MALRD1: variants seen among roughly 807,000 people sequenced by gnomAD.
MALRD1 encodes the protein MAM and LDL-receptor class A domain-containing protein 1.
MALRD1 carries 247 observed loss-of-function variants against 242.1 expected under a neutral mutation model. The ratio of observed to expected loss-of-function variants is 1.02; its 90% CI spans 0.92 to 1.13. MALRD1 has a LOEUF of 1.13. Ranked by LOEUF, MALRD1 falls within the 50% of genes most tolerant of loss-of-function variation. The pLI, the probability that MALRD1 is intolerant of heterozygous loss-of-function variation, is 0.00. For missense variants in MALRD1, 2,989 were observed against 2,533.1 expected (o/e 1.18, Z -3.86); for synonymous variants, 995 against 866.6 (o/e 1.15, Z -2.60).
chr10:19,497,910 ATAATT>A (rs947900478), intron 30 of MALRD1, among the ~76,000 whole-genome samples: 4 of 152,192 alleles, frequency 2.6e-5, no homozygotes, highest in Admixed American at 6.5e-5. Context: ...CTCACTGTGA[ATAATT>A]TAATTTTTAA....
At chr10:19,732,220 TAATATA>T (rs1473195898) in intron 39 of MALRD1, among the ~76,000 whole-genome samples, 3 of 152,212 alleles carry the variant, frequency 2.0e-5, no homozygotes, top group Non-Finnish European at 4.4e-5. Flanking sequence ...TAGGATGGTG[TAATATA>T]AATATATTTT....
Position 19,389,375 on chromosome 10 carries a change from C to T in MALRD1, c.4688-77C>T, listed in dbSNP as rs777213716. 2.1e-6 allele frequency: 3 copies of T among 1,424,122 alleles called. 1 individual carries two copies. The South Asian group carries it at 3.7e-5, about 18-fold the overall frequency. The allele number at this position is 1,424,122 out of a possible 1,614,324, so 88.2% of individuals were successfully genotyped here. On this transcript the variant is annotated intron_variant, in intron 27 of 39. Transcript: ENST00000454679. ...GATCATACGAATTGTAATTAAAGAC[C>T]CTAACTATGATGGAAATGCAAAAAT...
At chr10:19,601,820 A>G (rs879542303) in intron 34 of MALRD1, among the ~76,000 whole-genome samples, 32 of 152,122 alleles carry the variant, frequency 2.1e-4, no homozygotes, top group Non-Finnish European at 3.7e-4. Flanking sequence ...TATGTTTTCA[A>G]GAAGATGAGT....
intron 39 of MALRD1, among the ~76,000 whole-genome samples, chr10:19,733,328 G>A (rs934458032): frequency 6.6e-6 from 1 of 152,074 alleles, no homozygotes. Flanking sequence ...CCTCCAGAAG[G>A]TTTTCAAACA....
intron 19 of MALRD1, among the ~76,000 whole-genome samples, chr10:19,278,915 G>T (rs1840670029): frequency 6.6e-6 from 1 of 152,172 alleles, no homozygotes; most frequent in South Asian, 2.1e-4. Context: ...GCAATGGGAA[G>T]GGGAGAAGGG....
chr10:19,440,906 G>A (rs1307594802), intron 28 of MALRD1, among the ~76,000 whole-genome samples: 1 of 152,036 alleles, frequency 6.6e-6, no homozygotes, highest in Non-Finnish European at 1.5e-5. Context: ...CTAGATCCTT[G>A]AGGAATCACC....
rs12573270 is a variant in MALRD1 at position 19,348,399 on chromosome 10, A to T, written c.4149+381A>T. 3.3e-5 allele frequency among the ~76,000 whole-genome samples: 5 copies of T among 151,962 alleles called. No individual in the cohort carries two copies. In the South Asian group the frequency reaches 6.2e-4, roughly 19 times the overall value. On this transcript the variant is annotated intron_variant, in intron 25 of 39. Transcript: ENST00000454679. ...ACAGAAATAGAATTAAACAACAGTCAGAATATAATTAAATATCTCCAAGAA... is the reference window on the plus strand; with the variant it reads ...ACAGAAATAGAATTAAACAACAGTCTGAATATAATTAAATATCTCCAAGAA...
At chr10:19,612,782 C>G (rs1838959907) in intron 35 of MALRD1, among the ~76,000 whole-genome samples, 1 of 151,894 alleles carries the variant, frequency 6.6e-6, no homozygotes, top group East Asian at 2.0e-4. Context: ...TAAACACTTT[C>G]AAAAAACCAG....
intron 32 of MALRD1, among the ~76,000 whole-genome samples, chr10:19,540,446 G>A (rs1834913747): frequency 6.6e-6 from 1 of 152,126 alleles, no homozygotes; most frequent in Admixed American, 6.5e-5. Flanking sequence ...CCCATAATAA[G>A]ATAACACAGC....
chr10:19,466,037 G>C (rs867820746), intron 29 of MALRD1, among the ~76,000 whole-genome samples: 3 of 152,060 alleles, frequency 2.0e-5, no homozygotes, highest in Middle Eastern at 3.2e-3. Context: ...TGAAATTGTA[G>C]ATTGTTTTAA....
intron 36 of MALRD1, among the ~76,000 whole-genome samples, chr10:19,619,055 G>A (rs992973454): frequency 1.3e-5 from 2 of 151,992 alleles, no homozygotes; most frequent in Non-Finnish European, 2.9e-5. Flanking sequence ...CTGACACGAC[G>A]CCAGATCTCA....
At chr10:19,120,513 A>T (rs1342620462) in intron 5 of MALRD1, among the ~76,000 whole-genome samples, 2 of 152,162 alleles carry the variant, frequency 1.3e-5, no homozygotes, top group African/African-American at 4.8e-5. Flanking sequence ...CATTTTGCTG[A>T]GTGAAAGGAA....
At chr10:19,570,677 G>T (rs1302403377) in intron 33 of MALRD1, among the ~76,000 whole-genome samples, 2 of 151,980 alleles carry the variant, frequency 1.3e-5, no homozygotes, top group Non-Finnish European at 2.9e-5. Context: ...AGAGTCTGTT[G>T]TTAAGTGTAG....
At chr10:19,146,400 T>C in intron 11 of MALRD1, 56 bp downstream of exon 11, 1 of 1,186,922 alleles carries the variant, frequency 8.4e-7, no homozygotes, top group South Asian at 4.3e-5. Flanking sequence ...TGTTGTGGAA[T>C]GATGATACTG....
intron 21 of MALRD1, among the ~76,000 whole-genome samples, chr10:19,300,438 A>G (rs1206573941): frequency 6.6e-6 from 1 of 151,974 alleles, no homozygotes; most frequent in Non-Finnish European, 1.5e-5. Flanking sequence ...AGCAGGAGAA[A>G]TCATACTACC....
chr10:19,316,564 G>A (rs1216843683), intron 21 of MALRD1, among the ~76,000 whole-genome samples: 1 of 151,892 alleles, frequency 6.6e-6, no homozygotes, highest in African/African-American at 2.4e-5. Context: ...TCCAGCAGTT[G>A]GTGGGTCAGG....
intron 18 of MALRD1, among the ~76,000 whole-genome samples, chr10:19,222,338 G>A (rs1338325658): frequency 6.6e-6 from 1 of 152,158 alleles, no homozygotes; most frequent in Non-Finnish European, 1.5e-5. Flanking sequence ...TGATGTTGCA[G>A]ATTTTTGCCG....
At chr10:19,369,340 T>C (rs753263092) in intron 26 of MALRD1, among the ~76,000 whole-genome samples, 6 of 145,802 alleles carry the variant, frequency 4.1e-5, no homozygotes, top group South Asian at 2.1e-4. Flanking sequence ...ATATAAAATA[T>C]GTATATATTG....
At chr10:19,095,087 G>C (rs933918866) in intron 4 of MALRD1, among the ~76,000 whole-genome samples, 1 of 151,950 alleles carries the variant, frequency 6.6e-6, no homozygotes, top group African/African-American at 2.4e-5. Context: ...TCATAAATTT[G>C]ATATAAATCA....
Sources: gnomAD v4.1 joint callset for allele counts (sites outside exome capture counted in the v4.1 genomes callset) on GRCh38, gnomAD v4.1.1 for gene constraint, MANE v1.5 for transcripts, NCBI Gene and HGNC (gene_info 2026-07-23, HGNC 2026-07-21) for gene names.